The following ACER2 variants were observed in gnomAD, a reference collection of about 807,000 sequenced individuals.
ACER2 encodes alkaline ceramidase 2, also known as alkCDase 2.
In ACER2, 26 loss-of-function variants were observed where a neutral mutation model predicts 34.7. The ratio of observed to expected loss-of-function variants is 0.75; its 90% CI spans 0.55 to 1.04. ACER2 has a LOEUF of 1.04. Ranked by LOEUF, ACER2 falls within the 50% of genes least tolerant of loss-of-function variation. The probability of loss-of-function intolerance (pLI) is 0.00; values close to 1 mark genes in which losing one functional copy is unlikely to be tolerated. For synonymous variants in ACER2, 138 were observed against 132.1 expected (o/e 1.04, Z -0.31); for missense variants, 352 against 340.8 (o/e 1.03, Z -0.26).
In ACER2 at chr9:19,450,479, T is replaced by TG. The variant is rs781521431; in HGVS notation, c.674dup (p.Cys226LeufsTer8). 3.7e-6 allele frequency: 6 copies of TG among 1,607,864 alleles called. No homozygotes were observed. Among genetic ancestry groups the TG allele is most frequent in the Non-Finnish European group, 5.1e-6 (6 of 1,175,074 alleles). ...ATCCTCATCTGCCTTGCTGCCTACC[T>TG]GGGCTGTGTATGCTTTGCCTACTTT... is the stretch of plus-strand genomic sequence containing the variant. On this transcript the variant is annotated frameshift_variant, in exon 6 of 6. Coordinates refer to ENST00000340967, the MANE Select transcript of ACER2 (RefSeq NM_001010887.3). LOFTEE classifies it high-confidence loss of function.
At chr9:19,419,820 C>T (rs962105351) in intron 1 of ACER2, among the ~76,000 whole-genome samples, 2 of 152,180 alleles carry the variant, frequency 1.3e-5, no homozygotes, top group African/African-American at 4.8e-5. Context: ...GTACCCCTTT[C>T]TCCATAATGA....
At chr9:19,429,981 A>G (rs1353770142) in intron 3 of ACER2, among the ~76,000 whole-genome samples, 2 of 152,156 alleles carry the variant, frequency 1.3e-5, no homozygotes, top group South Asian at 2.1e-4. Flanking sequence ...AGACATTTAT[A>G]AAGCTTGTGG....
rs1052389318 is a variant in ACER2, at chr9:19,451,368, G to A, written c.*732G>A. 3.9e-5 allele frequency: 6 copies of A among 152,624 alleles called. No homozygotes were observed. The highest frequency in any genetic ancestry group is 1.4e-4 in the African/African-American group (6 of 41,442). The allele number at this position is 152,624 out of a possible 1,614,324, so 9.5% of individuals were successfully genotyped here. A position where few individuals can be genotyped will look rare whatever the true frequency, so the allele number is the denominator to read the frequency against. ...AAACCAAACAGATGAAACACACACA[G>A]GACTTGTGGCTAAAAAGGCTAGTTT... On this transcript the variant is annotated 3_prime_UTR_variant, in exon 6 of 6. Transcript: ENST00000340967.
chr9:19,427,057 A>G (rs1294242832), intron 3 of ACER2, among the ~76,000 whole-genome samples: 3 of 152,162 alleles, frequency 2.0e-5, no homozygotes, highest in Non-Finnish European at 4.4e-5. Context: ...CTGGCTTTGG[A>G]AGCAATCTGG....
At chr9:19,438,807 A>G (rs1831053438) in intron 4 of ACER2, among the ~76,000 whole-genome samples, 1 of 152,142 alleles carries the variant, frequency 6.6e-6, no homozygotes, top group African/African-American at 2.4e-5. Flanking sequence ...TGTTTTTGAG[A>G]TGGGATCTTG....
At position 19,450,555 on chromosome 9, in the gene ACER2, C is replaced by G; in HGVS notation, c.747C>G (p.Pro249=). ...AAGGCCCTGTCATCAAGTTCTGGCCCAATGAGAAATGGGCCTTCATTGGTG... is the reference window on the plus strand; with the variant it reads ...AAGGCCCTGTCATCAAGTTCTGGCCGAATGAGAAATGGGCCTTCATTGGTG... The part of the protein sequence containing the change: ...PEQGPVIKFW[P]NEKWAFIGVP... The change falls in exon 6 of 6, where the codon CCC becomes CCG. Residue 249 remains proline (P), a synonymous_variant. Transcript: ENST00000340967. The G allele has an allele frequency of 6.2e-7, 1 of 1,610,986 alleles. No homozygotes were observed. Among genetic ancestry groups the G allele is most frequent in the Non-Finnish European group, 8.5e-7 (1 of 1,177,590 alleles).
intron 1 of ACER2, among the ~76,000 whole-genome samples, chr9:19,419,134 T>C (rs7031482): frequency 0.064 from 9,762 of 151,942 alleles, 486 homozygotes; most frequent in Middle Eastern, 0.2. Context: ...GAGGTTGCAG[T>C]GAGCCGAGAT....
intron 1 of ACER2, among the ~76,000 whole-genome samples, chr9:19,413,186 C>G (rs1239302259): frequency 6.6e-6 from 1 of 152,228 alleles, no homozygotes; most frequent in African/African-American, 2.4e-5. Context: ...TTCAGCCAAG[C>G]CTAATATCTC....
chr9:19,418,501 G>A (rs1013757310), intron 1 of ACER2, among the ~76,000 whole-genome samples: 1 of 152,152 alleles, frequency 6.6e-6, no homozygotes, highest in African/African-American at 2.4e-5. Context: ...TACACACCAT[G>A]GAATAGTATG....
intron 1 of ACER2, among the ~76,000 whole-genome samples, chr9:19,418,925 G>C (rs573522337): frequency 6.6e-6 from 1 of 152,226 alleles, no homozygotes; most frequent in Middle Eastern, 3.4e-3. Flanking sequence ...GGTGGCCTGT[G>C]CCTGTAATCC....
intron 1 of ACER2, among the ~76,000 whole-genome samples, chr9:19,419,418 C>T (rs1468328165): frequency 6.6e-6 from 1 of 152,164 alleles, no homozygotes; most frequent in Non-Finnish European, 1.5e-5. Flanking sequence ...CCCAAGGTCA[C>T]TAGTCGCACA....
rs553630065 is a variant in ACER2, at chr9:19,430,339, A to G, written c.366-4608A>G. On this transcript the variant is annotated intron_variant, in intron 3 of 5. Transcript: ENST00000340967. Reference sequence around the variant, plus strand: ...GAGAATACAGGAAGCAGTGATGCTAAGGGTTTCCTGACCTTGTGTTTCAGT... The same window carrying G: ...GAGAATACAGGAAGCAGTGATGCTAGGGGTTTCCTGACCTTGTGTTTCAGT... 2.0e-3 allele frequency among the ~76,000 whole-genome samples: 312 copies of G among 152,328 alleles called. 3 individuals carry two copies. The highest frequency in any genetic ancestry group is 7.2e-3 in the African/African-American group (299 of 41,566).
Position 19,446,551 on chromosome 9 carries a change from C to G in ACER2, c.641+133C>G, listed in dbSNP as rs113974243. 2,097 of 1,524,284 alleles carry G rather than the reference C, an allele frequency of 1.4e-3. 21 individuals are homozygous for G. In the African/African-American group the frequency reaches 0.025, roughly 18 times the overall value. 94.4% of individuals were successfully genotyped at this position (1,524,284 alleles called of 1,614,324 possible). ...TTGCTTCTCTCCTCAGGTGGACGGT[C>G]AGATGGTTCAGAAGCCACTGAAAGC... On this transcript the variant is annotated intron_variant, in intron 5 of 5. Transcript: ENST00000340967.
At chr9:19,446,810 C>T (rs1589070664) in intron 5 of ACER2, among the ~76,000 whole-genome samples, 2 of 152,004 alleles carry the variant, frequency 1.3e-5, no homozygotes, top group African/African-American at 4.8e-5. Context: ...CAGTGGGAAC[C>T]CCACCTTTAG....
chr9:19,423,760 A>G, intron 1 of ACER2, 102 bp from the exon 2 acceptor site: 1 of 845,252 alleles, frequency 1.2e-6, no homozygotes, highest in Non-Finnish European at 2.0e-6. Context: ...ATGTGTGACC[A>G]CATTTATCCC....
intron 1 of ACER2, among the ~76,000 whole-genome samples, chr9:19,411,296 C>T (rs1454355377): frequency 3.9e-5 from 6 of 152,304 alleles, no homozygotes; most frequent in Admixed American, 1.3e-4. Context: ...AAGCAGAGAG[C>T]GTAAGGTGTC....
intron 1 of ACER2, among the ~76,000 whole-genome samples, chr9:19,411,812 T>C (rs182789647): frequency 6.6e-6 from 1 of 152,170 alleles, no homozygotes; most frequent in African/African-American, 2.4e-5. Context: ...GTCTTAGGGG[T>C]AGCACATCAC....
intron 3 of ACER2, among the ~76,000 whole-genome samples, chr9:19,428,949 C>G (rs1830667669): frequency 6.6e-6 from 1 of 151,642 alleles, no homozygotes; most frequent in East Asian, 1.9e-4. Flanking sequence ...GCCACCATGC[C>G]CAGCTAATTT....
At chr9:19,448,451 A>G (rs1161081333) in intron 5 of ACER2, among the ~76,000 whole-genome samples, 1 of 152,036 alleles carries the variant, frequency 6.6e-6, no homozygotes. Context: ...ACACTTTATA[A>G]TTTATTTAAC....
Sources: allele counts gnomAD v4.1 joint callset (sites outside exome capture counted in the v4.1 genomes callset), GRCh38; gene constraint gnomAD v4.1.1; transcripts MANE v1.5; gene names NCBI Gene and HGNC (gene_info 2026-07-23, HGNC 2026-07-21).